The following SPINK8 variants were observed in gnomAD, a reference collection of about 807,000 sequenced individuals.
The protein encoded by SPINK8 is serine protease inhibitor Kazal-type 8.
In SPINK8, 12 loss-of-function variants were observed where a neutral mutation model predicts 14.4. The ratio of observed to expected loss-of-function variants is 0.83; its 90% CI spans 0.53 to 1.35. The LOEUF is 1.35. Among genes scored for constraint, SPINK8 ranks in the 40% most tolerant of loss-of-function variants. The probability of loss-of-function intolerance (pLI) is 0.00; values close to 1 mark genes in which losing one functional copy is unlikely to be tolerated. For synonymous variants in SPINK8, 32 were observed against 37.6 expected, an observed-to-expected ratio of 0.85 and a Z score of 0.55; for missense variants, 103 against 117.0, an observed-to-expected ratio of 0.88 and a Z score of 0.55.
intron 1 of SPINK8, among the ~76,000 whole-genome samples, chr3:48,333,005 C>T (rs1332701107): frequency 6.6e-5 from 10 of 150,962 alleles, no homozygotes; most frequent in Non-Finnish European, 1.5e-4. Context: ...CCTTTGGCAC[C>T]GTTTGTGTTG....
At chr3:48,328,551 C>A (rs983592000) in intron 3 of SPINK8, among the ~76,000 whole-genome samples, 197 bp from the exon 4 acceptor site, 1 of 151,808 alleles carries the variant, frequency 6.6e-6, no homozygotes, top group African/African-American at 2.4e-5. Flanking sequence ...AAAAAAAAAT[C>A]TTAAAAACAG....
chr3:48,317,831 T>C (rs1003999394), intron 6 of SPINK8, among the ~76,000 whole-genome samples: 19 of 152,138 alleles, frequency 1.2e-4, no homozygotes, highest in African/African-American at 4.3e-4. Context: ...ACTGCAGCCT[T>C]GAACTCCTGG....
At chr3:48,329,525 T>C (rs1575347921) in intron 2 of SPINK8, among the ~76,000 whole-genome samples, 1 of 152,250 alleles carries the variant, frequency 6.6e-6, no homozygotes, top group Non-Finnish European at 1.5e-5. Context: ...AATTATTACA[T>C]TCAAGACGGC....
At chr3:48,324,445 A>G (rs569708109) in intron 4 of SPINK8, among the ~76,000 whole-genome samples, 2 of 152,122 alleles carry the variant, frequency 1.3e-5, no homozygotes, top group African/African-American at 4.8e-5. Context: ...ACTTCTTCCA[A>G]TCCTATCTGG....
rs2036065261 is a variant in SPINK8, at chr3:48,320,963, C to A, written c.117+62G>T. 28 of 1,530,514 alleles carry A rather than the reference C, an allele frequency of 1.8e-5. No individual in the cohort carries two copies. In the East Asian group the frequency reaches 6.7e-4, roughly 37 times the overall value. The allele number at this position is 1,530,514 out of a possible 1,614,324, so 94.8% of individuals were successfully genotyped here. On this transcript the variant is annotated intron_variant, in intron 5 of 7. Transcript: ENST00000434006. ...CACCTCCCAGAAGAAAGAGCTGGGG[C>A]TTTTGGGCAAACTGGCTCTCTCCCC...
At chr3:48,330,373 G>T (rs2036237334) in intron 2 of SPINK8, among the ~76,000 whole-genome samples, 1 of 152,122 alleles carries the variant, frequency 6.6e-6, no homozygotes, top group South Asian at 2.1e-4. Context: ...GCAAAAATTA[G>T]CTGGGCGTGG....
At chr3:48,317,018 T>C (rs1263127692) in intron 6 of SPINK8, among the ~76,000 whole-genome samples, 1 of 152,220 alleles carries the variant, frequency 6.6e-6, no homozygotes, top group Non-Finnish European at 1.5e-5. Flanking sequence ...TTAAAGTAAC[T>C]ATATAGGAAA....
chr3:48,321,193 G>T (rs1389842336), intron 4 of SPINK8, 119 bp from the exon 5 acceptor site: 6 of 910,672 alleles, frequency 6.6e-6, no homozygotes, highest in Non-Finnish European at 9.7e-6. Context: ...ATCAGAAGAG[G>T]CTGGGCTCCT....
Position 48,306,949 on chromosome 3 carries a change from C to T in SPINK8, c.*43G>A, listed in dbSNP as rs1469003981. ...GAGGCAACCATTGTGTTTCACTTGG[C>T]AATCTGGAGATTCAGTAGGTTTTAT... is the stretch of plus-strand genomic sequence containing the variant. On this transcript the variant is annotated 3_prime_UTR_variant, in exon 8 of 8. Transcript: ENST00000434006. 1.9e-6 allele frequency: 3 copies of T among 1,607,640 alleles called. No individual in the cohort carries two copies. Among genetic ancestry groups the T allele is most frequent in the Admixed American group, 3.4e-5 (2 of 59,484 alleles).
chr3:48,312,996 CA>C (rs57016387), intron 6 of SPINK8, among the ~76,000 whole-genome samples: 198 of 121,804 alleles, frequency 1.6e-3, no homozygotes, highest in East Asian at 1.8e-3. Flanking sequence ...GACTCTGTCT[CA>C]AAAAAAAAAA....
chr3:48,310,205 A>G (rs1489229457), intron 6 of SPINK8, among the ~76,000 whole-genome samples: 1 of 152,148 alleles, frequency 6.6e-6, no homozygotes, highest in Non-Finnish European at 1.5e-5. Flanking sequence ...ACAGAGGATT[A>G]GAAAAAGAAT....
At chr3:48,331,679 C>T (rs1409963846) in intron 2 of SPINK8, among the ~76,000 whole-genome samples, 2 of 152,160 alleles carry the variant, frequency 1.3e-5, no homozygotes, top group African/African-American at 4.8e-5. Context: ...CTCTCCCTAA[C>T]AAGGGAATGG....
Position 48,328,256 on chromosome 3 carries a change from G to C in SPINK8, c.67+19C>G, listed in dbSNP as rs746384517. 16 of 1,602,986 alleles carry C rather than the reference G, an allele frequency of 1.0e-5. No homozygotes were observed. The highest frequency in any genetic ancestry group is 1.4e-5 in the Non-Finnish European group (16 of 1,173,508). ...ATTTACTGCAGAAAATGTGGGCAGAGCAAGGACACATAACTCACCAATTGC... is the reference window on the plus strand; with the variant it reads ...ATTTACTGCAGAAAATGTGGGCAGACCAAGGACACATAACTCACCAATTGC... On this transcript the variant is annotated intron_variant, in intron 4 of 7. Coordinates refer to ENST00000434006, the MANE Select transcript of SPINK8 (RefSeq NM_001080525.3).
At chr3:48,316,503 C>G (rs2035995460) in intron 6 of SPINK8, 1 of 154,044 alleles carries the variant, frequency 6.5e-6, no homozygotes, top group East Asian at 1.9e-4. Context: ...CACGGTGGCT[C>G]ACACCTATAA....
At chr3:48,318,423 G>A (rs569166867) in intron 6 of SPINK8, among the ~76,000 whole-genome samples, 5 of 152,362 alleles carry the variant, frequency 3.3e-5, no homozygotes, top group Admixed American at 2.6e-4. Flanking sequence ...TTACAGGCGT[G>A]AGCCACTGCG....
At chr3:48,312,765 G>A (rs1458880423) in intron 6 of SPINK8, among the ~76,000 whole-genome samples, 5 of 152,126 alleles carry the variant, frequency 3.3e-5, no homozygotes, top group South Asian at 2.1e-4. Context: ...TTGGGAGGCC[G>A]AGGTAGGGGG....
At chr3:48,333,251 C>T (rs988808995) in intron 1 of SPINK8, among the ~76,000 whole-genome samples, 14 of 152,158 alleles carry the variant, frequency 9.2e-5, no homozygotes, top group African/African-American at 2.9e-4. Context: ...GCATGTTTCT[C>T]CCTCTTGAAG....
chr3:48,317,118 G>C (rs2036003321), intron 6 of SPINK8, among the ~76,000 whole-genome samples: 1 of 152,216 alleles, frequency 6.6e-6, no homozygotes. Flanking sequence ...GTGTGAATGG[G>C]TGTACAATGA....
intron 7 of SPINK8, among the ~76,000 whole-genome samples, chr3:48,307,847 C>T (rs986782277): frequency 2.0e-5 from 3 of 151,140 alleles, no homozygotes; most frequent in African/African-American, 7.3e-5. Flanking sequence ...ACATCACATT[C>T]TGTACTTGGG....
Sources: gnomAD v4.1 joint callset for allele counts (sites outside exome capture counted in the v4.1 genomes callset) on GRCh38, gnomAD v4.1.1 for gene constraint, MANE v1.5 for transcripts, NCBI Gene and HGNC (gene_info 2026-07-23, HGNC 2026-07-21) for gene names.